The following NALCN variants were observed in gnomAD, a reference collection of about 807,000 sequenced individuals.
NALCN encodes sodium leak channel NALCN.
Under a neutral mutation model 225.3 loss-of-function variants are expected in NALCN, and 111 were observed. The observed-to-expected ratio is 0.49, with a 90% CI of 0.42 to 0.58. The LOEUF is 0.58. Among genes scored for constraint, NALCN ranks in the 20% least tolerant of loss-of-function variants. The probability of loss-of-function intolerance (pLI) is 0.00; values close to 1 mark genes in which losing one functional copy is unlikely to be tolerated. For missense variants in NALCN, 1,378 were observed against 2,202.4 expected, an observed-to-expected ratio of 0.63 and a Z score of 7.49; for synonymous variants, 764 against 769.0, an observed-to-expected ratio of 0.99 and a Z score of 0.11.
chr13:101,183,707 G>A (rs553658626), intron 14 of NALCN, among the ~76,000 whole-genome samples: 3 of 152,132 alleles, frequency 2.0e-5, no homozygotes, highest in South Asian at 2.1e-4. Context: ...TGATCCACCC[G>A]CCTCGGCCTC....
At chr13:101,078,769 T>A (rs958444569) in intron 34 of NALCN, among the ~76,000 whole-genome samples, 1 of 152,142 alleles carries the variant, frequency 6.6e-6, no homozygotes, top group South Asian at 2.1e-4. Flanking sequence ...GGTATGATTG[T>A]ATTTTGAATT....
At chr13:101,293,682 G>C (rs1165801405) in intron 7 of NALCN, among the ~76,000 whole-genome samples, 1 of 152,146 alleles carries the variant, frequency 6.6e-6, no homozygotes, top group Non-Finnish European at 1.5e-5. Context: ...AGCAGAATCA[G>C]AGCAACAGCA....
intron 13 of NALCN, 50 bp from the exon 14 acceptor site, chr13:101,192,104 C>G: frequency 6.4e-7 from 1 of 1,555,322 alleles, no homozygotes. Flanking sequence ...GGCTTGCATA[C>G]AACTTCAAAT....
chr13:101,145,034 A>G (rs2037279813), intron 15 of NALCN, 138 bp from the exon 16 acceptor site: 3 of 867,290 alleles, frequency 3.5e-6, no homozygotes, highest in South Asian at 3.1e-5. Context: ...CCTACCAAGT[A>G]TACCTCTCTT....
At chr13:101,173,282 C>T (rs891347629) in intron 15 of NALCN, among the ~76,000 whole-genome samples, 2 of 152,158 alleles carry the variant, frequency 1.3e-5, no homozygotes, top group Non-Finnish European at 2.9e-5. Flanking sequence ...TATTTATAAA[C>T]AAATAATTCA....
chr13:101,198,602 C>T (rs1193180890), intron 13 of NALCN, among the ~76,000 whole-genome samples: 5 of 152,174 alleles, frequency 3.3e-5, no homozygotes, highest in African/African-American at 1.2e-4. Context: ...TACTATCTCA[C>T]ACCAGTTAGA....
chr13:101,077,725 A>C (rs773008495), intron 34 of NALCN, among the ~76,000 whole-genome samples: 1 of 152,226 alleles, frequency 6.6e-6, no homozygotes, highest in Admixed American at 6.5e-5. Flanking sequence ...AACCTTATTT[A>C]CTAGGGAGAA....
intron 13 of NALCN, among the ~76,000 whole-genome samples, chr13:101,198,878 C>T (rs1008182317): frequency 6.6e-6 from 1 of 152,130 alleles, no homozygotes; most frequent in Non-Finnish European, 1.5e-5. Flanking sequence ...ATAGCAAAGA[C>T]TTGGAACCAA....
At chr13:101,339,526 G>A (rs185949972) in intron 7 of NALCN, among the ~76,000 whole-genome samples, 28 of 152,236 alleles carry the variant, frequency 1.8e-4, no homozygotes, top group East Asian at 1.4e-3. Flanking sequence ...CAGTTGTCAC[G>A]TGGCTCAGGG....
intron 3 of NALCN, among the ~76,000 whole-genome samples, chr13:101,391,991 A>G (rs942801781): frequency 2.6e-5 from 4 of 151,024 alleles, no homozygotes; most frequent in African/African-American, 9.8e-5. Flanking sequence ...TCTCGAAAAA[A>G]CAAAAACAAA....
chr13:101,229,460 A>G lies in NALCN; in HGVS notation c.1559T>C (p.Met520Thr). 1.2e-6 allele frequency: 2 copies of G among 1,610,928 alleles called. No individual in the cohort carries two copies. Among genetic ancestry groups the G allele is most frequent in the Non-Finnish European group, 1.7e-6 (2 of 1,178,684 alleles). The change falls in exon 13 of 44, where the codon ATG becomes ACG. Residue 520 changes from methionine to threonine, a missense_variant. Coordinates refer to ENST00000251127, the MANE Select transcript of NALCN (RefSeq NM_052867.4). ...VVFTASLLIV[M>T]SAISLQMFCF... ...GAACATCTGCAAACTAATTGCTGAC[A>G]TAACAATCAAGAGGCTGGCAGTAAA... is the stretch of plus-strand genomic sequence containing the variant.
intron 13 of NALCN, among the ~76,000 whole-genome samples, chr13:101,198,261 G>C (rs7319701): frequency 0.26 from 39,048 of 151,892 alleles, 5,295 homozygotes; most frequent in East Asian, 0.37. Flanking sequence ...ACACCAAAAG[G>C]AATGGCAACA....
At chr13:101,060,331 A>G (rs1283403823) in intron 41 of NALCN, among the ~76,000 whole-genome samples, 2 of 130,286 alleles carry the variant, frequency 1.5e-5, no homozygotes, top group Non-Finnish European at 3.1e-5. Flanking sequence ...ACTAGAGTTC[A>G]GTGGTGCGAT....
chr13:101,385,184 T>C (rs1184054410), intron 3 of NALCN, among the ~76,000 whole-genome samples: 5 of 152,170 alleles, frequency 3.3e-5, no homozygotes, highest in Admixed American at 6.5e-5. Flanking sequence ...TCTGACTACT[T>C]TGAGCTCGGC....
Position 101,065,603 on chromosome 13 carries a change from G to C in NALCN, c.4447-42C>G, listed in dbSNP as rs975141696. The C allele has an allele frequency of 3.8e-6, 6 of 1,589,404 alleles. No individual in the cohort carries two copies. In the African/African-American group the frequency reaches 6.8e-5, roughly 18 times the overall value. On this transcript the variant is annotated intron_variant, in intron 39 of 43. Coordinates refer to ENST00000251127, the MANE Select transcript of NALCN (RefSeq NM_052867.4). ...AAGAAGTAGCAAATCATCAGGCCTC[G>C]ATGATTCACTTGGGTTTCTCAAAAG... is the stretch of plus-strand genomic sequence containing the variant.
Position 101,174,783 on chromosome 13 carries a change from TA to T in NALCN, c.1839+1516del, listed in dbSNP as rs1458528537. Among the ~76,000 whole-genome samples the T allele has an allele frequency of 3.3e-5, 5 of 152,116 alleles. No homozygotes were observed. In the East Asian group the frequency reaches 9.7e-4, roughly 29 times the overall value. ...TATGGAACCTGGCGGTAGCACTAGCTAAAAAAAATTGGATATTTTAAATTTT... is the reference window on the plus strand; with the variant it reads ...TATGGAACCTGGCGGTAGCACTAGCTAAAAAAATTGGATATTTTAAATTTT... On this transcript the variant is annotated intron_variant, in intron 15 of 43. Coordinates refer to ENST00000251127, the MANE Select transcript of NALCN (RefSeq NM_052867.4).
At chr13:101,299,814 T>C (rs2043886067) in intron 7 of NALCN, among the ~76,000 whole-genome samples, 2 of 152,162 alleles carry the variant, frequency 1.3e-5, no homozygotes, top group South Asian at 2.1e-4. Flanking sequence ...TACCATCTGT[T>C]ATGCAGATTT....
At chr13:101,308,391 C>T (rs969968346) in intron 7 of NALCN, among the ~76,000 whole-genome samples, 14 of 152,302 alleles carry the variant, frequency 9.2e-5, no homozygotes, top group Admixed American at 3.3e-4. Flanking sequence ...TCCCTTCCAC[C>T]AGCTAGAAAT....
At chr13:101,294,346 T>G (rs1308813558) in intron 7 of NALCN, among the ~76,000 whole-genome samples, 1 of 152,124 alleles carries the variant, frequency 6.6e-6, no homozygotes, top group Non-Finnish European at 1.5e-5. Context: ...TCCCAACACA[T>G]AGAAATGATA....
Sources: gnomAD v4.1 joint callset for allele counts (sites outside exome capture counted in the v4.1 genomes callset) on GRCh38, gnomAD v4.1.1 for gene constraint, MANE v1.5 for transcripts, NCBI Gene and HGNC (gene_info 2026-07-23, HGNC 2026-07-21) for gene names.